Variants in MAN1C1 observed in about 807,000 individuals in gnomAD.
The protein encoded by MAN1C1 is mannosyl-oligosaccharide 1,2-alpha-mannosidase IC.
In MAN1C1, 49 loss-of-function variants were observed where a neutral mutation model predicts 71.5. The ratio of observed to expected loss-of-function variants is 0.69; its 90% CI spans 0.54 to 0.87. The LOEUF (loss-of-function observed/expected upper bound fraction) is 0.87, where lower values mean the gene tolerates loss of function less well. MAN1C1 is among the 40% of genes least tolerant of loss of function. The probability of loss-of-function intolerance (pLI) is 0.00; values close to 1 mark genes in which losing one functional copy is unlikely to be tolerated. For synonymous variants in MAN1C1, 352 were observed against 343.7 expected, an observed-to-expected ratio of 1.02 and a Z score of -0.27; for missense variants, 743 against 835.0, an observed-to-expected ratio of 0.89 and a Z score of 1.36.
chr1:25,725,803 G>A lies in MAN1C1; in HGVS notation c.638-20865G>A, dbSNP rs921671838. ...AGGGAGACTGCGCCATCTGAAAGCC[G>A]GGGGCTGGGTTCAAGGCACCTGAGA... On this transcript the variant is annotated intron_variant, in intron 2 of 11. Coordinates refer to ENST00000374332, the MANE Select transcript of MAN1C1 (RefSeq NM_020379.4). This position sits in a 1 kb window ranked among gnomAD's most constrained non-coding sequence, Gnocchi z 4.8. Among the ~76,000 whole-genome samples, 15 of 152,204 alleles carry A rather than the reference G, an allele frequency of 9.9e-5. No homozygotes were observed. Among genetic ancestry groups the A allele is most frequent in the Non-Finnish European group, 1.8e-4 (12 of 68,036 alleles).
At position 25,763,946 on chromosome 1, in the gene MAN1C1, G is replaced by C; in HGVS notation, c.1120G>C (p.Val374Leu). The part of the protein sequence containing the change: ...FGLYPNFLSP[V>L]SGNWVQHHVS... The stretch of plus-strand genomic sequence containing the variant: ...CCTCTACCCCAACTTCCTCAGCCCA[G>C]TGAGTGGGAACTGGGTGCAACGTGA... Residue 374 changes from valine to leucine, a missense_variant, in exon 7 of 12, where the codon GTG becomes CTG. Val to Leu is a conservative substitution (Grantham distance 32). Transcript: ENST00000374332. 1 of 1,613,934 alleles carries C rather than the reference G, an allele frequency of 6.2e-7. No homozygotes were observed. Among genetic ancestry groups the C allele is most frequent in the Non-Finnish European group, 8.5e-7 (1 of 1,179,998 alleles).
rs760511398 is a variant in MAN1C1, at chr1:25,749,258, G to A, written c.757G>A (p.Gly253Arg). 3.0e-5 allele frequency: 49 copies of A among 1,611,434 alleles called. 1 individual carries two copies. The highest frequency in any genetic ancestry group is 1.7e-4 in the Middle Eastern group (1 of 6,030). The change falls in exon 4 of 12, where the codon GGA becomes AGA. Residue 253 changes from glycine to arginine, a missense_variant. Gly to Arg is a moderately radical substitution (Grantham distance 125). Transcript: ENST00000374332. ...VGESFHLNVS[G>R]EASLFEVNIR... ...CCTCCTTCTTTCTGTCCTGCAGAGCGGAGAAGCATCCTTGTTTGAGGTGAA... is the reference window on the plus strand; with the variant it reads ...CCTCCTTCTTTCTGTCCTGCAGAGCAGAGAAGCATCCTTGTTTGAGGTGAA...
At chr1:25,706,525 G>C (rs528320683) in intron 2 of MAN1C1, among the ~76,000 whole-genome samples, 6 of 152,180 alleles carry the variant, frequency 3.9e-5, no homozygotes, top group South Asian at 2.1e-4. Context: ...ACTCTGGCGG[G>C]GGGGAATCCT....
At chr1:25,765,415 C>G (rs1391128860) in intron 7 of MAN1C1, among the ~76,000 whole-genome samples, 1 of 152,218 alleles carries the variant, frequency 6.6e-6, no homozygotes, top group Non-Finnish European at 1.5e-5. Flanking sequence ...AGCCCCCACC[C>G]CCACTGTCTG....
intron 1 of MAN1C1, among the ~76,000 whole-genome samples, chr1:25,679,950 A>AAAAT (rs1285307256): frequency 0.026 from 2,997 of 116,680 alleles, 145 homozygotes; most frequent in African/African-American, 0.1. Context: ...AAAAAAAAAA[A>AAAAT]ATATATATAT....
chr1:25,660,951 A>G (rs902354661), intron 1 of MAN1C1, among the ~76,000 whole-genome samples: 9 of 151,842 alleles, frequency 5.9e-5, no homozygotes, highest in Non-Finnish European at 1.0e-4. Context: ...TCAGCCTCCC[A>G]AAGTGCTGGC....
At chr1:25,734,404 C>T (rs948356718) in intron 2 of MAN1C1, among the ~76,000 whole-genome samples, 2 of 152,240 alleles carry the variant, frequency 1.3e-5, no homozygotes, top group African/African-American at 4.8e-5. Flanking sequence ...ACTGGGATTA[C>T]TGGCATGAGC....
rs1236721003 is a variant in MAN1C1, at chr1:25,756,612, G to A, written c.930-1980G>A. Among the ~76,000 whole-genome samples, 3 of 152,130 alleles carry A rather than the reference G, an allele frequency of 2.0e-5. No homozygotes were observed. In the East Asian group the frequency reaches 5.8e-4, roughly 29 times the overall value. ...AGAGAGAAGTCTCAGTTAGCCTTGG[G>A]GGAAGAGGGACAGAGATGGGGCAGG... On this transcript the variant is annotated intron_variant, in intron 5 of 11. Transcript: ENST00000374332.
At position 25,763,941 on chromosome 1, in the gene MAN1C1, G is replaced by A; in HGVS notation, c.1115G>A (p.Ser372Asn). The change falls in exon 7 of 12, where the codon AGC (serine) becomes AAC (asparagine). Residue 372 changes from serine to asparagine, a missense_variant. Ser to Asn is a conservative substitution (Grantham distance 46). Transcript: ENST00000374332. ...TTTGGCCTCTACCCCAACTTCCTCA[G>A]CCCAGTGAGTGGGAACTGGGTGCAA... ...KPFGLYPNFL[S>N]PVSGNWVQHH... is the part of the protein sequence containing the mutation. The A allele has an allele frequency of 6.2e-7, 1 of 1,613,926 alleles. No homozygotes were observed. The highest frequency in any genetic ancestry group is 2.2e-5 in the East Asian group (1 of 44,882).
Position 25,769,567 on chromosome 1 carries a change from C to T in MAN1C1, c.1142-2090C>T, listed in dbSNP as rs567198132. Among the ~76,000 whole-genome samples, 1 of 152,176 alleles carries T rather than the reference C, an allele frequency of 6.6e-6. No individual in the cohort carries two copies. The highest frequency in any genetic ancestry group is 2.4e-5 in the African/African-American group (1 of 41,434). ...CCTTGTCACGCACACACTCCACCAC[C>T]GCGTGATTGTGGCTAAACTCCTTGG... is the stretch of plus-strand genomic sequence containing the variant. On this transcript the variant is annotated intron_variant, in intron 7 of 11. Coordinates refer to ENST00000374332, the MANE Select transcript of MAN1C1 (RefSeq NM_020379.4). This position sits in a 1 kb window ranked among gnomAD's most constrained non-coding sequence, Gnocchi z 4.8.
At chr1:25,706,740 C>T (rs1465888921) in intron 2 of MAN1C1, among the ~76,000 whole-genome samples, 1 of 152,240 alleles carries the variant, frequency 6.6e-6, no homozygotes, top group Non-Finnish European at 1.5e-5. Context: ...TTTGCACAGA[C>T]TACTCACCTG....
rs1193115205 is a variant in MAN1C1, at chr1:25,778,054, C to T, written c.1258-51C>T. The T allele has an allele frequency of 1.5e-5, 21 of 1,364,446 alleles. No individual in the cohort carries two copies. Among genetic ancestry groups the T allele is most frequent in the Non-Finnish European group, 2.1e-5 (21 of 999,062 alleles). The allele number at this position is 1,364,446 out of a possible 1,614,324, so 84.5% of individuals were successfully genotyped here. ...ATTTTCCATCCTTTCCCCCCCTTCTCTGTGCCCTCCCACGCCCCTTCTCCC... is the reference window on the plus strand; with the variant it reads ...ATTTTCCATCCTTTCCCCCCCTTCTTTGTGCCCTCCCACGCCCCTTCTCCC... On this transcript the variant is annotated intron_variant, in intron 8 of 11. Coordinates refer to ENST00000374332, the MANE Select transcript of MAN1C1 (RefSeq NM_020379.4). This position sits in a 1 kb window ranked among gnomAD's most constrained non-coding sequence, Gnocchi z 5.5.
chr1:25,754,240 C>G (rs773684733), intron 5 of MAN1C1, among the ~76,000 whole-genome samples: 2 of 152,194 alleles, frequency 1.3e-5, no homozygotes, highest in Non-Finnish European at 1.5e-5. Context: ...CTGCACCAGA[C>G]TTCCCATCCC....
chr1:25,655,293 A>G (rs2045748913), intron 1 of MAN1C1, among the ~76,000 whole-genome samples: 1 of 152,166 alleles, frequency 6.6e-6, no homozygotes, highest in African/African-American at 2.4e-5. Flanking sequence ...CAGCTCCTGG[A>G]GTCCGTGGAT....
At chr1:25,690,811 G>A (rs1350183572) in intron 2 of MAN1C1, among the ~76,000 whole-genome samples, 1 of 152,226 alleles carries the variant, frequency 6.6e-6, no homozygotes, top group Non-Finnish European at 1.5e-5. Flanking sequence ...CAGGCACAGA[G>A]CAGGCACTTG....
intron 2 of MAN1C1, among the ~76,000 whole-genome samples, chr1:25,728,453 TG>T (rs1253783201): frequency 1.3e-5 from 2 of 152,150 alleles, no homozygotes; most frequent in African/African-American, 4.8e-5. Flanking sequence ...TTCTGCCTGG[TG>T]GGTCTGTTTA....
intron 1 of MAN1C1, among the ~76,000 whole-genome samples, chr1:25,646,896 G>A (rs2124764708): frequency 6.6e-6 from 1 of 152,302 alleles, no homozygotes; most frequent in South Asian, 2.1e-4. Context: ...ACATGGTTTT[G>A]GGTGGACATG....
At chr1:25,729,363 G>A (rs1161506073) in intron 2 of MAN1C1, among the ~76,000 whole-genome samples, 8 of 152,168 alleles carry the variant, frequency 5.3e-5, no homozygotes, top group East Asian at 1.9e-4. Context: ...TTAGCCACTC[G>A]GCCAGCATTT....
intron 1 of MAN1C1, among the ~76,000 whole-genome samples, chr1:25,652,322 T>C (rs1225102089): frequency 6.6e-6 from 1 of 152,196 alleles, no homozygotes; most frequent in East Asian, 1.9e-4. Flanking sequence ...ACAAATGGCT[T>C]CTCCAAGTAA....
Sources: allele counts gnomAD v4.1 joint callset (sites outside exome capture counted in the v4.1 genomes callset), GRCh38; gene constraint gnomAD v4.1.1; non-coding constraint Gnocchi (gnomAD v3.1); transcripts MANE v1.5; gene names NCBI Gene and HGNC (gene_info 2026-07-23, HGNC 2026-07-21).